TMEM184B: variants seen among roughly 807,000 people sequenced by gnomAD.
TMEM184B encodes the protein putative MAPK-activating protein FM08.
Under a neutral mutation model 41.8 loss-of-function variants are expected in TMEM184B, and 17 were observed. That is an observed-to-expected ratio of 0.41 (90% CI 0.28 to 0.61). The LOEUF (loss-of-function observed/expected upper bound fraction) is 0.61. Among genes scored for constraint, TMEM184B ranks in the 20% least tolerant of loss-of-function variants. The probability of loss-of-function intolerance (pLI) is 0.34; values close to 1 mark genes in which losing one functional copy is unlikely to be tolerated. For synonymous variants in TMEM184B, 240 were observed against 229.5 expected (o/e 1.05, Z -0.41); for missense variants, 393 against 557.8 (o/e 0.70, Z 2.98).
chr22:38,272,701 G>T (rs1281159783), intron 1 of TMEM184B, 183 bp downstream of exon 1: 1 of 985,300 alleles, frequency 1.0e-6, no homozygotes, highest in Admixed American at 6.1e-5. Flanking sequence ...AGGCACGGGT[G>T]GGGAGACGGA....
At chr22:38,245,211 G>A (rs1363429538) in intron 3 of TMEM184B, among the ~76,000 whole-genome samples, 1 of 152,206 alleles carries the variant, frequency 6.6e-6, no homozygotes, top group Admixed American at 6.5e-5. Flanking sequence ...CTGCACCTGG[G>A]GCCACCTGGG....
chr22:38,243,661 C>G (rs1374199237), intron 3 of TMEM184B, among the ~76,000 whole-genome samples: 1 of 152,168 alleles, frequency 6.6e-6, no homozygotes. Flanking sequence ...CCCATCTGGC[C>G]TCAGTATTCT....
At chr22:38,268,097 C>T (rs1252157873) in intron 1 of TMEM184B, among the ~76,000 whole-genome samples, 2 of 152,084 alleles carry the variant, frequency 1.3e-5, no homozygotes, top group Admixed American at 6.5e-5. Flanking sequence ...AGAATGCTGG[C>T]GGAGGCCGGG....
At chr22:38,231,388 G>C in intron 3 of TMEM184B, 54 bp from the exon 4 acceptor site, 1 of 1,404,038 alleles carries the variant, frequency 7.1e-7, no homozygotes, top group Non-Finnish European at 1.0e-6. Context: ...TGGGTCCGCA[G>C]ATGCTGGGAT....
rs112674354 is a variant in TMEM184B, at chr22:38,267,014, C to T, written c.-59+5870G>A. On this transcript the variant is annotated intron_variant, in intron 1 of 8. Coordinates refer to ENST00000361906, the MANE Select transcript of TMEM184B (RefSeq NM_012264.5). Reference sequence around the variant, plus strand: ...AGGAGAATGGCTTGAACCCGGGAAGCGGAGCTTGCAGTGAGCCGAAATCGC... The same window carrying T: ...AGGAGAATGGCTTGAACCCGGGAAGTGGAGCTTGCAGTGAGCCGAAATCGC... 1.7e-4 allele frequency among the ~76,000 whole-genome samples: 25 copies of T among 150,650 alleles called. No individual in the cohort carries two copies. The South Asian group carries it at 4.2e-3, about 25-fold the overall frequency.
chr22:38,217,830 CAAA>C (rs374397588), downstream of TMEM184B, among the ~76,000 whole-genome samples: 5 of 87,828 alleles, frequency 5.7e-5, no homozygotes, highest in Middle Eastern at 5.9e-3. Flanking sequence ...GACTCCATCT[CAAA>C]AAAAAAAAAA....
At chr22:38,265,905 G>A (rs553746483) in intron 1 of TMEM184B, among the ~76,000 whole-genome samples, 2 of 152,216 alleles carry the variant, frequency 1.3e-5, no homozygotes, top group African/African-American at 4.8e-5. Context: ...GGTAAATGGG[G>A]AACAGCCCTG....
chr22:38,231,190 C>T (rs919796073), intron 4 of TMEM184B, 54 bp downstream of exon 4: 8 of 1,506,312 alleles, frequency 5.3e-6, no homozygotes, highest in Admixed American at 3.3e-5. Context: ...GCTCGAGGTA[C>T]ACCAGGCCCA....
In TMEM184B at chr22:38,219,864, G is replaced by T; in HGVS notation, c.*1605C>A. 1.0e-6 allele frequency: 1 copy of T among 985,484 alleles called. No individual in the cohort carries two copies. The highest frequency in any genetic ancestry group is 1.2e-6 in the Non-Finnish European group (1 of 829,984). The allele number at this position is 985,484 out of a possible 1,614,324, so 61.0% of individuals were successfully genotyped here. A position where few individuals can be genotyped will look rare whatever the true frequency, so the allele number is the denominator to read the frequency against. On this transcript the variant is annotated 3_prime_UTR_variant, in exon 9 of 9. Transcript: ENST00000361906. ...ACTGCTCCGCCCCCCCAAGATGGAG[G>T]GGGAGAGCTGGCCTCTGGCACCCAC...
downstream of TMEM184B, among the ~76,000 whole-genome samples, chr22:38,217,347 A>C (rs112851013): frequency 7.9e-4 from 59 of 74,354 alleles, 2 homozygotes; most frequent in East Asian, 2.3e-3. Flanking sequence ...ACAACAACAA[A>C]AAAAAAACAT....
intron 1 of TMEM184B, among the ~76,000 whole-genome samples, chr22:38,253,793 A>G (rs543889950): frequency 6.6e-6 from 1 of 152,356 alleles, no homozygotes; most frequent in East Asian, 1.9e-4. Flanking sequence ...ACTGCAATAT[A>G]AGAAAAGTAA....
At chr22:38,272,483 C>A in intron 1 of TMEM184B, 6 of 985,660 alleles carry the variant, frequency 6.1e-6, no homozygotes, top group Non-Finnish European at 7.2e-6. Context: ...AGGGCACGGA[C>A]GCCTCCCCCA....
chr22:38,257,551 C>G (rs958440855), intron 1 of TMEM184B, among the ~76,000 whole-genome samples: 1 of 152,180 alleles, frequency 6.6e-6, no homozygotes, highest in African/African-American at 2.4e-5. Flanking sequence ...CAAACTCTCT[C>G]TCACTGATCA....
intron 1 of TMEM184B, among the ~76,000 whole-genome samples, chr22:38,257,491 A>G (rs1220864276): frequency 2.0e-5 from 3 of 152,122 alleles, no homozygotes; most frequent in Admixed American, 6.6e-5. Flanking sequence ...GAAAGCAGCC[A>G]TTAAAACCCA....
intron 1 of TMEM184B, among the ~76,000 whole-genome samples, chr22:38,251,896 G>C (rs943071752): frequency 7.1e-6 from 1 of 141,696 alleles, no homozygotes; most frequent in Admixed American, 7.1e-5. Flanking sequence ...AGATGATGCT[G>C]TTTTTTTTTT....
At position 38,221,528 on chromosome 22, in the gene TMEM184B, G is replaced by A; in HGVS notation, c.1165C>T (p.Leu389Phe). Residue 389 changes from leucine to phenylalanine, a missense_variant, in exon 9 of 9, where the codon CTC (leucine) becomes TTC (phenylalanine). This residue lies in a region of TMEM184B where 271 missense variants were observed against 434.1 expected (regional missense o/e 0.62). Coordinates refer to ENST00000361906, the MANE Select transcript of TMEM184B (RefSeq NM_012264.5). ...TTCTCGTTGTCGCGGGCGCCACTGAGGCTGTGGGAGCGGGAGAGGCCGTGG... is the reference window on the plus strand; with the variant it reads ...TTCTCGTTGTCGCGGGCGCCACTGAAGCTGTGGGAGCGGGAGAGGCCGTGG... ...GAHGLSRSHS[L>F]SGARDNEKTL... 6.2e-7 allele frequency: 1 copy of A among 1,613,708 alleles called. No homozygotes were observed. The highest frequency in any genetic ancestry group is 8.5e-7 in the Non-Finnish European group (1 of 1,179,920).
intron 1 of TMEM184B, among the ~76,000 whole-genome samples, chr22:38,258,847 G>T (rs2092325874): frequency 6.6e-6 from 1 of 152,174 alleles, no homozygotes; most frequent in Non-Finnish European, 1.5e-5. Flanking sequence ...CTGAATTCTA[G>T]AACAGCAGAG....
chr22:38,237,082 A>G (rs917567486), intron 3 of TMEM184B, among the ~76,000 whole-genome samples: 4 of 151,898 alleles, frequency 2.6e-5, no homozygotes, highest in Non-Finnish European at 2.9e-5. Flanking sequence ...AGGCCAAGAG[A>G]CTGCTCCCCA....
chr22:38,241,882 T>TCAAAAAAAAAAAA (rs2091915573), intron 3 of TMEM184B, among the ~76,000 whole-genome samples: 1 of 30,610 alleles, frequency 3.3e-5, no homozygotes. Context: ...AGACTCCGTC[T>TCAAAAAAAAAAAA]CAAAAAAAAA....
Sources: gnomAD v4.1 joint callset for allele counts (sites outside exome capture counted in the v4.1 genomes callset) on GRCh38, gnomAD v4.1.1 for gene constraint, gnomAD v4.1.1 regional missense constraint, MANE v1.5 for transcripts, NCBI Gene and HGNC (gene_info 2026-07-23, HGNC 2026-07-21) for gene names.